The following PSEN1 variants were observed in gnomAD, a reference collection of about 807,000 sequenced individuals.
PSEN1 encodes presenilin 1, also known as presenilin-1.
A neutral mutation model predicts 53.5 loss-of-function variants in PSEN1; 15 were observed. The observed-to-expected ratio is 0.28, with a 90% confidence interval of 0.19 to 0.43. PSEN1 has a LOEUF of 0.43. PSEN1 is among the 20% of genes least tolerant of loss of function. The pLI is 1.00. For synonymous variants in PSEN1, 208 were observed against 209.8 expected, an observed-to-expected ratio of 0.99 and a Z score of 0.08; for missense variants, 387 against 571.2, an observed-to-expected ratio of 0.68 and a Z score of 3.29.
intron 10 of PSEN1, among the ~76,000 whole-genome samples, chr14:73,215,873 G>A (rs771083153): frequency 6.6e-6 from 1 of 152,198 alleles, no homozygotes; most frequent in Non-Finnish European, 1.5e-5. Flanking sequence ...TACAGCCAGT[G>A]TGGAATGTGA....
chr14:73,219,518 C>T lies in PSEN1; in HGVS notation c.*229C>T, dbSNP rs199738569. The T allele has an allele frequency of 3.4e-5, 18 of 534,586 alleles. No homozygotes were observed. The highest frequency in any genetic ancestry group is 6.1e-5 in the Admixed American group (2 of 32,680). The allele number at this position is 534,586 out of a possible 1,614,324, so 33.1% of individuals were successfully genotyped here. A position where few individuals can be genotyped will look rare whatever the true frequency, so the allele number is the denominator to read the frequency against. ...CTTCATCGCAGTGGACTGTGTCCCT[C>T]GGTGCAGAAACTACCAGATTTGAGG... On this transcript the variant is annotated 3_prime_UTR_variant, in exon 12 of 12. Coordinates refer to ENST00000324501, the MANE Select transcript of PSEN1 (RefSeq NM_000021.4).
intron 1 of PSEN1, 131 bp from the exon 2 acceptor site, chr14:73,147,664 C>CA (rs751432648): frequency 3.0e-4 from 100 of 329,196 alleles, no homozygotes; most frequent in Middle Eastern, 2.1e-3. Context: ...GTAAATTTGT[C>CA]AGTTAGTTGA....
intron 5 of PSEN1, among the ~76,000 whole-genome samples, chr14:73,178,852 C>G (rs1898121147): frequency 6.6e-6 from 1 of 152,112 alleles, no homozygotes; most frequent in Non-Finnish European, 1.5e-5. Flanking sequence ...GTCCAGCCAG[C>G]CTTGTCAAAG....
intron 3 of PSEN1, among the ~76,000 whole-genome samples, chr14:73,149,654 C>G (rs1360667125): frequency 6.6e-6 from 1 of 152,148 alleles, no homozygotes; most frequent in African/African-American, 2.4e-5. Context: ...ACTAGAGGTT[C>G]TAGAACACAG....
At chr14:73,190,705 G>A (rs1339975208) in intron 6 of PSEN1, among the ~76,000 whole-genome samples, 1 of 152,102 alleles carries the variant, frequency 6.6e-6, no homozygotes, top group African/African-American at 2.4e-5. Flanking sequence ...GGGCAACATA[G>A]CAAGACCCCA....
intron 4 of PSEN1, among the ~76,000 whole-genome samples, chr14:73,172,135 G>A (rs140865740): frequency 1.1e-3 from 174 of 152,276 alleles, no homozygotes; most frequent in Middle Eastern, 6.8e-3. Flanking sequence ...CTAGACTCCT[G>A]GGGGGCTATC....
chr14:73,139,221 T>G (rs1416295084), intron 1 of PSEN1: 4 of 150,154 alleles, frequency 2.7e-5, no homozygotes, highest in Admixed American at 2.7e-4. Flanking sequence ...AGGCGGAGCT[T>G]GCAGTGAGCC....
chr14:73,212,255 C>T (rs770502950), intron 10 of PSEN1, among the ~76,000 whole-genome samples: 16 of 151,566 alleles, frequency 1.1e-4, no homozygotes, highest in Non-Finnish European at 2.1e-4. Flanking sequence ...GGACTACAGG[C>T]GTGCGCCACC....
intron 3 of PSEN1, among the ~76,000 whole-genome samples, chr14:73,159,054 C>T (rs868621395): frequency 3.7e-4 from 56 of 152,182 alleles, no homozygotes; most frequent in African/African-American, 1.3e-3. Flanking sequence ...AAATTGCTTT[C>T]TTAATGGATT....
At chr14:73,174,793 C>T (rs1269385886) in intron 5 of PSEN1, among the ~76,000 whole-genome samples, 1 of 152,116 alleles carries the variant, frequency 6.6e-6, no homozygotes, top group African/African-American at 2.4e-5. Flanking sequence ...CACTGTACTA[C>T]TTCCTTCCTT....
At chr14:73,150,252 A>C (rs1897179565) in intron 3 of PSEN1, among the ~76,000 whole-genome samples, 1 of 152,192 alleles carries the variant, frequency 6.6e-6, no homozygotes, top group Non-Finnish European at 1.5e-5. Flanking sequence ...CTAACTAAAC[A>C]AAACAAGATT....
chr14:73,148,980 A>T (rs1897146392), intron 3 of PSEN1, among the ~76,000 whole-genome samples: 3 of 152,152 alleles, frequency 2.0e-5, no homozygotes, highest in Non-Finnish European at 4.4e-5. Flanking sequence ...GAAAGAAAAG[A>T]AAAGAGAGAG....
At chr14:73,195,051 A>G (rs1490512501) in intron 7 of PSEN1, among the ~76,000 whole-genome samples, 1 of 152,228 alleles carries the variant, frequency 6.6e-6, no homozygotes, top group Non-Finnish European at 1.5e-5. Flanking sequence ...TGACTTTCAT[A>G]ATTACCTTAT....
intron 3 of PSEN1, among the ~76,000 whole-genome samples, chr14:73,150,986 T>C (rs1439160529): frequency 6.6e-6 from 1 of 151,424 alleles, no homozygotes; most frequent in Admixed American, 6.6e-5. Flanking sequence ...GAGAATGGCA[T>C]GAACCTGGGA....
At chr14:73,213,996 T>C (rs1394932480) in intron 10 of PSEN1, among the ~76,000 whole-genome samples, 1 of 152,084 alleles carries the variant, frequency 6.6e-6, no homozygotes, top group African/African-American at 2.4e-5. Flanking sequence ...CTCAAGAGAA[T>C]TTTAAAACAT....
chr14:73,140,041 G>T (rs1301869023), intron 1 of PSEN1, among the ~76,000 whole-genome samples: 2 of 151,974 alleles, frequency 1.3e-5, no homozygotes, highest in Non-Finnish European at 1.5e-5. Context: ...CAGAATTTTA[G>T]ACAATGATTT....
intron 6 of PSEN1, chr14:73,189,802 CT>C: frequency 7.9e-6 from 2 of 252,650 alleles, no homozygotes; most frequent in South Asian, 9.0e-5. Flanking sequence ...CCCAGCTCCC[CT>C]TAAGCTGAGC....
Position 73,142,423 on chromosome 14 carries a change from C to A in PSEN1, c.-135-5372C>A, listed in dbSNP as rs139112977. On this transcript the variant is annotated intron_variant, in intron 1 of 11. Coordinates refer to ENST00000324501, the MANE Select transcript of PSEN1 (RefSeq NM_000021.4). The stretch of plus-strand genomic sequence containing the variant: ...GAGACATTAAAACAAGCCACAAGCC[C>A]TTTGTGCTAGAGATCATGGTTAAAA... Among the ~76,000 whole-genome samples the A allele has an allele frequency of 4.8e-4, 73 of 152,248 alleles. No individual in the cohort carries two copies. In the East Asian group the frequency reaches 0.013, roughly 28 times the overall value.
At chr14:73,177,306 T>G (rs1329080363) in intron 5 of PSEN1, among the ~76,000 whole-genome samples, 3 of 152,282 alleles carry the variant, frequency 2.0e-5, no homozygotes, top group Non-Finnish European at 2.9e-5. Context: ...CTCAGATACC[T>G]GGTAGCATAT....
Sources: allele counts gnomAD v4.1 joint callset (sites outside exome capture counted in the v4.1 genomes callset), GRCh38; gene constraint gnomAD v4.1.1; transcripts MANE v1.5; gene names NCBI Gene and HGNC (gene_info 2026-07-23, HGNC 2026-07-21).